Variants in FGF14 observed in about 807,000 individuals in gnomAD.
FGF14 encodes the protein fibroblast growth factor 14.
FGF14 carries 5 observed loss-of-function variants against 25.5 expected under a neutral mutation model. The observed-to-expected ratio is 0.20, with a 90% CI of 0.10 to 0.41. The LOEUF (loss-of-function observed/expected upper bound fraction) is 0.41, where lower values mean the gene tolerates loss of function less well. Among genes scored for constraint, FGF14 ranks in the 10% least tolerant of loss-of-function variants. FGF14 has a pLI of 1.00. For synonymous variants in FGF14, 138 were observed against 118.3 expected, an observed-to-expected ratio of 1.17 and a Z score of -1.08; for missense variants, 222 against 320.1, an observed-to-expected ratio of 0.69 and a Z score of 2.34.
At chr13:102,056,281 T>C (rs989771636) in intron 1 of FGF14, among the ~76,000 whole-genome samples, 6 of 152,232 alleles carry the variant, frequency 3.9e-5, no homozygotes, top group South Asian at 2.1e-4. Context: ...ATAACTCTTA[T>C]CTGCCCTTGA....
At chr13:101,821,438 T>C (rs924874094) in intron 3 of FGF14, among the ~76,000 whole-genome samples, 7 of 152,212 alleles carry the variant, frequency 4.6e-5, no homozygotes, top group African/African-American at 1.7e-4. Context: ...TTATCCATTC[T>C]ACTACTGATG....
At chr13:102,282,500 ATAATAC>A (rs1178964948) in intron 1 of FGF14, among the ~76,000 whole-genome samples, 1 of 152,116 alleles carries the variant, frequency 6.6e-6, no homozygotes, top group Non-Finnish European at 1.5e-5. Context: ...CTTTATCTCC[ATAATAC>A]TTAGTGTTCC....
At chr13:102,162,732 C>T (rs905113412) in intron 1 of FGF14, among the ~76,000 whole-genome samples, 1 of 152,152 alleles carries the variant, frequency 6.6e-6, no homozygotes, top group South Asian at 2.1e-4. Context: ...CACAAGAAGC[C>T]ATAGCTGTTT....
intron 1 of FGF14, among the ~76,000 whole-genome samples, chr13:102,340,438 C>A (rs2056914544): frequency 6.8e-6 from 1 of 147,346 alleles, no homozygotes; most frequent in East Asian, 1.9e-4. Context: ...AGTACAAACA[C>A]ATACACACAC....
chr13:101,764,991 G>A (rs2038288087), intron 3 of FGF14, among the ~76,000 whole-genome samples: 1 of 152,110 alleles, frequency 6.6e-6, no homozygotes, highest in Non-Finnish European at 1.5e-5. Flanking sequence ...CTATGTGTTT[G>A]TCATAAAGTC....
At chr13:101,942,598 C>T (rs1179466442) in intron 1 of FGF14, among the ~76,000 whole-genome samples, 2 of 152,262 alleles carry the variant, frequency 1.3e-5, no homozygotes, top group East Asian at 1.9e-4. Flanking sequence ...AAGAAACAAA[C>T]TGAGCTAAAA....
intron 1 of FGF14, among the ~76,000 whole-genome samples, chr13:101,877,639 C>G (rs927554): frequency 0.45 from 67,927 of 151,992 alleles, 15,447 homozygotes; most frequent in Middle Eastern, 0.5. Context: ...AATCAAATCT[C>G]TTTAAAAAAC....
In FGF14 at chr13:102,134,094, G is replaced by A. The variant is rs112546070; in HGVS notation, c.209-258798C>T. On this transcript the variant is annotated intron_variant, in intron 1 of 4. Coordinates refer to the FGF14 transcript ENST00000376131. Reference sequence around the variant, plus strand: ...ATGTCTTGAACAAGGCACTGGGCTAGACACTGAGTATTGAACAGACAAATA... The same window carrying A: ...ATGTCTTGAACAAGGCACTGGGCTAAACACTGAGTATTGAACAGACAAATA... Among the ~76,000 whole-genome samples the A allele has an allele frequency of 6.0e-4, 91 of 152,316 alleles. 1 individual carries two copies. Among genetic ancestry groups the A allele is most frequent in the African/African-American group, 2.1e-3 (86 of 41,570 alleles).
intron 1 of FGF14, among the ~76,000 whole-genome samples, chr13:101,982,661 A>G (rs2038338092): frequency 6.6e-6 from 1 of 152,238 alleles, no homozygotes; most frequent in Admixed American, 6.5e-5. Flanking sequence ...CAAAAGCTTA[A>G]GGAACTGGGT....
At chr13:102,165,227 C>T (rs962837392) in intron 1 of FGF14, among the ~76,000 whole-genome samples, 1 of 152,014 alleles carries the variant, frequency 6.6e-6, no homozygotes, top group Non-Finnish European at 1.5e-5. Context: ...GGACTGTAAA[C>T]TAGTTCAACC....
chr13:102,079,594 A>G (rs1461330522), intron 1 of FGF14, among the ~76,000 whole-genome samples: 1 of 152,130 alleles, frequency 6.6e-6, no homozygotes, highest in African/African-American at 2.4e-5. Context: ...ATAAATATTT[A>G]TTAAGTGTCT....
intron 1 of FGF14, among the ~76,000 whole-genome samples, chr13:102,169,857 C>T (rs1566777102): frequency 1.3e-5 from 2 of 152,248 alleles, no homozygotes; most frequent in South Asian, 4.1e-4. Context: ...CCACTGGGCA[C>T]ATGTAACTAT....
At chr13:102,109,782 G>T (rs1045786006) in intron 1 of FGF14, among the ~76,000 whole-genome samples, 1 of 152,044 alleles carries the variant, frequency 6.6e-6, no homozygotes, top group African/African-American at 2.4e-5. Context: ...ACAACGCCCA[G>T]GTAATTTTTG....
In FGF14 at chr13:101,844,447, C is replaced by T. The variant is rs138772309; in HGVS notation, c.408+24278G>A. Among the ~76,000 whole-genome samples the T allele has an allele frequency of 2.6e-3, 398 of 152,018 alleles. 3 individuals carry two copies. The highest frequency in any genetic ancestry group is 4.2e-3 in the Non-Finnish European group (284 of 67,932). On this transcript the variant is annotated intron_variant, in intron 3 of 4. Transcript: ENST00000376143. Reference sequence around the variant, plus strand: ...TAATGAAGAACATATATTTAAAGCCCGTTTATCATAATAACCATATAATTA... The same window carrying T: ...TAATGAAGAACATATATTTAAAGCCTGTTTATCATAATAACCATATAATTA...
At chr13:101,981,115 ACACACACACACAC>A (rs2038230182) in intron 1 of FGF14, among the ~76,000 whole-genome samples, 2 of 151,426 alleles carry the variant, frequency 1.3e-5, no homozygotes, top group African/African-American at 4.9e-5. Context: ...ACACACACAC[ACACACACACACAC>A]AATTAGCCAG....
intron 1 of FGF14, among the ~76,000 whole-genome samples, chr13:102,020,827 C>A (rs534741805): frequency 1.3e-5 from 2 of 151,634 alleles, no homozygotes; most frequent in African/African-American, 4.8e-5. Context: ...AATGTGTACT[C>A]AGAGTTAAGC....
rs767840771 is a variant in FGF14 at position 101,720,910 on chromosome 13, TAAAC to T, written c.*1917_*1920del. 48 of 152,258 alleles carry T rather than the reference TAAAC, an allele frequency of 3.2e-4. No individual in the cohort carries two copies. The highest frequency in any genetic ancestry group is 1.1e-3 in the African/African-American group (46 of 41,566). The allele number at this position is 152,258 out of a possible 1,614,324, so 9.4% of individuals were successfully genotyped here. A position where few individuals can be genotyped will look rare whatever the true frequency, so the allele number is the denominator to read the frequency against. ...ATCCAATATGAAAATGAAATAAGCATAAACAAACAGTTAAATTTCTACTAAACCT... is the reference window on the plus strand; with the variant it reads ...ATCCAATATGAAAATGAAATAAGCATAAACAGTTAAATTTCTACTAAACCT... On this transcript the variant is annotated 3_prime_UTR_variant, in exon 5 of 5. Transcript: ENST00000376143.
intron 1 of FGF14, among the ~76,000 whole-genome samples, chr13:102,358,332 T>A (rs567423711): frequency 1.1e-4 from 16 of 152,338 alleles, no homozygotes; most frequent in African/African-American, 3.8e-4. Flanking sequence ...TTGTACTTAG[T>A]AGACATTGAC....
At chr13:102,188,499 C>G (rs2048961434) in intron 1 of FGF14, among the ~76,000 whole-genome samples, 2 of 152,126 alleles carry the variant, frequency 1.3e-5, no homozygotes, top group Admixed American at 1.3e-4. Context: ...AATAGAAGTA[C>G]CTAACACATT....
Sources: gnomAD v4.1 joint callset for allele counts (sites outside exome capture counted in the v4.1 genomes callset) on GRCh38, gnomAD v4.1.1 for gene constraint, MANE v1.5 for transcripts, NCBI Gene and HGNC (gene_info 2026-07-23, HGNC 2026-07-21) for gene names.